The following STIM1 variants were observed in gnomAD, a reference collection of about 807,000 sequenced individuals.
STIM1 encodes the protein stromal interaction molecule 1.
In STIM1, 25 loss-of-function variants were observed where a neutral mutation model predicts 74.7. The observed-to-expected ratio is 0.33, with a 90% CI of 0.24 to 0.47. The LOEUF (loss-of-function observed/expected upper bound fraction) is 0.47. Among genes scored for constraint, STIM1 ranks in the 20% least tolerant of loss-of-function variants. The pLI, the probability that STIM1 is intolerant of heterozygous loss-of-function variation, is 1.00. For synonymous variants in STIM1, 328 were observed against 348.8 expected, an observed-to-expected ratio of 0.94 and a Z score of 0.66; for missense variants, 728 against 920.8, an observed-to-expected ratio of 0.79 and a Z score of 2.71.
intron 2 of STIM1, among the ~76,000 whole-genome samples, chr11:4,018,433 T>G (rs2093921328): frequency 9.9e-6 from 1 of 101,226 alleles, no homozygotes; most frequent in African/African-American, 3.8e-5. Context: ...CAGTCCGGCC[T>G]GGGCGACAGA....
chr11:4,036,922 A>G (rs1278786111), intron 3 of STIM1, among the ~76,000 whole-genome samples: 1 of 152,234 alleles, frequency 6.6e-6, no homozygotes, highest in Non-Finnish European at 1.5e-5. Flanking sequence ...AAAAGTAACT[A>G]TCATCGGAGT....
At chr11:4,049,757 C>T (rs2094224828) in intron 3 of STIM1, 1 of 118,602 alleles carries the variant, frequency 8.4e-6, no homozygotes. Context: ...CACACACACA[C>T]ACACACATGC....
At chr11:4,032,112 A>G (rs1471886653) in intron 3 of STIM1, among the ~76,000 whole-genome samples, 2 of 152,188 alleles carry the variant, frequency 1.3e-5, no homozygotes, top group African/African-American at 4.8e-5. Flanking sequence ...TTGTTCTAGA[A>G]CCATTTTTAG....
chr11:4,001,515 A>T (rs1306221184), intron 2 of STIM1, among the ~76,000 whole-genome samples: 1 of 152,192 alleles, frequency 6.6e-6, no homozygotes, highest in African/African-American at 2.4e-5. Flanking sequence ...GAAATAAAAT[A>T]CTTTACAGAC....
At chr11:3,965,702 T>G (rs2093333328) in intron 1 of STIM1, among the ~76,000 whole-genome samples, 1 of 152,224 alleles carries the variant, frequency 6.6e-6, no homozygotes, top group African/African-American at 2.4e-5. Flanking sequence ...ATCATACTTT[T>G]TTCTTTTATC....
intron 3 of STIM1, among the ~76,000 whole-genome samples, chr11:4,053,118 T>C (rs573530311): frequency 1.3e-5 from 2 of 152,318 alleles, no homozygotes; most frequent in East Asian, 3.9e-4. Flanking sequence ...TAGGAACCCT[T>C]TTACACTGTT....
At chr11:3,965,450 TA>T (rs1229048092) in intron 1 of STIM1, among the ~76,000 whole-genome samples, 1 of 152,220 alleles carries the variant, frequency 6.6e-6, no homozygotes, top group Non-Finnish European at 1.5e-5. Flanking sequence ...GGGCCTGATA[TA>T]TGAAGAACAT....
intron 2 of STIM1, chr11:3,989,224 C>T: frequency 1.1e-6 from 1 of 880,030 alleles, no homozygotes; most frequent in East Asian, 2.4e-5. Context: ...TTTCTTTTCC[C>T]TGTTTACTGC....
Position 3,919,623 on chromosome 11 carries a change from G to A in STIM1, c.140-47929G>A, listed in dbSNP as rs80312484. On this transcript the variant is annotated intron_variant, in intron 1 of 12. Transcript: ENST00000526596. The stretch of plus-strand genomic sequence containing the variant: ...TTAATGTAAGTGATGAAATATATTC[G>A]TATCCTAAGCATTTGGCAGGGGCTC... 8.5e-5 allele frequency among the ~76,000 whole-genome samples: 13 copies of A among 152,198 alleles called. No homozygotes were observed. The East Asian group carries it at 1.7e-3, about 20-fold the overall frequency.
intron 1 of STIM1, among the ~76,000 whole-genome samples, chr11:3,912,070 G>A (rs967912217): frequency 1.3e-5 from 2 of 151,834 alleles, no homozygotes; most frequent in African/African-American, 4.8e-5. Flanking sequence ...GCTAATAGGG[G>A]GCATCTATCC....
intron 2 of STIM1, among the ~76,000 whole-genome samples, chr11:3,984,853 T>G (rs781512664): frequency 1.2e-4 from 19 of 152,172 alleles, no homozygotes; most frequent in Non-Finnish European, 2.6e-4. Context: ...GAGACACAAT[T>G]ATGTAAACAG....
intron 1 of STIM1, among the ~76,000 whole-genome samples, chr11:3,881,868 C>T (rs906106158): frequency 6.0e-5 from 9 of 151,122 alleles, no homozygotes; most frequent in African/African-American, 1.2e-4. Context: ...AGACGGGGTT[C>T]GCCATGTTGG....
At chr11:4,035,545 A>G (rs570048836) in intron 3 of STIM1, among the ~76,000 whole-genome samples, 9 of 151,714 alleles carry the variant, frequency 5.9e-5, no homozygotes, top group African/African-American at 1.9e-4. Flanking sequence ...TTTTTGACTT[A>G]GCTCAAAATA....
intron 1 of STIM1, among the ~76,000 whole-genome samples, chr11:3,873,078 T>C (rs1328571829): frequency 6.6e-6 from 1 of 151,878 alleles, no homozygotes; most frequent in African/African-American, 2.4e-5. Flanking sequence ...CCTTCCAAGC[T>C]GGGACTATAC....
chr11:4,047,198 G>A (rs1436833501), intron 3 of STIM1, among the ~76,000 whole-genome samples: 2 of 152,174 alleles, frequency 1.3e-5, no homozygotes, highest in African/African-American at 2.4e-5. Flanking sequence ...AGGGAAATTA[G>A]ACCAGGTCTG....
At chr11:4,003,044 G>A (rs1197115043) in intron 2 of STIM1, among the ~76,000 whole-genome samples, 1 of 150,234 alleles carries the variant, frequency 6.7e-6, no homozygotes, top group African/African-American at 2.4e-5. Context: ...CCAGGAAGAA[G>A]TTGAATCTCT....
rs368514841 is a variant in STIM1 at position 3,878,892 on chromosome 11, T to C, written c.139+22483T>C. On this transcript the variant is annotated intron_variant, in intron 1 of 12. Coordinates refer to ENST00000526596, the MANE Select transcript of STIM1 (RefSeq NM_001382567.1). ...AGTTTGGCCTTATCGTGCCTACCCATTGTGGCCTCCTTGACATCCCAACAC... is the reference window on the plus strand; with the variant it reads ...AGTTTGGCCTTATCGTGCCTACCCACTGTGGCCTCCTTGACATCCCAACAC... Among the ~76,000 whole-genome samples, 392 of 152,280 alleles carry C rather than the reference T, an allele frequency of 2.6e-3. 4 individuals are homozygous for C. The highest frequency in any genetic ancestry group is 9.0e-3 in the African/African-American group (376 of 41,560).
rs752580963 is a variant in STIM1, at chr11:4,083,462, A to G, written c.1438A>G (p.Met480Val). 1.9e-6 allele frequency: 3 copies of G among 1,614,220 alleles called. No individual in the cohort carries two copies. Among genetic ancestry groups the G allele is most frequent in the Non-Finnish European group, 2.5e-6 (3 of 1,180,030 alleles). The change falls in exon 10 of 13, where the codon ATG (methionine) becomes GTG (valine). Residue 480 changes from methionine to valine, a missense_variant. By Grantham distance (21) the Met-to-Val change is conservative. Transcript: ENST00000526596. ...CATCATGACTGACGACGTGGATGAC[A>G]TGGATGAGGAGATTGTGTCTCCCTT... The part of the protein sequence containing the change: ...HFIMTDDVDD[M>V]DEEIVSPLSM...
chr11:3,905,368 GA>G (rs908956913), intron 1 of STIM1, among the ~76,000 whole-genome samples: 2 of 151,488 alleles, frequency 1.3e-5, no homozygotes, highest in Non-Finnish European at 3.0e-5. Context: ...CAGGTTCAAA[GA>G]TTTTTTTTTT....
Sources: gnomAD v4.1 joint callset for allele counts (sites outside exome capture counted in the v4.1 genomes callset) on GRCh38, gnomAD v4.1.1 for gene constraint, MANE v1.5 for transcripts, NCBI Gene and HGNC (gene_info 2026-07-23, HGNC 2026-07-21) for gene names.